YY1AP1: variants seen among roughly 807,000 people sequenced by gnomAD.
YY1AP1 encodes YY1-associated protein 1.
A neutral mutation model predicts 39.9 loss-of-function variants in YY1AP1; 43 were observed. The observed-to-expected ratio is 1.08, with a 90% CI of 0.84 to 1.39. The LOEUF (loss-of-function observed/expected upper bound fraction) is 1.39, where lower values mean the gene tolerates loss of function less well. Among genes scored for constraint, YY1AP1 ranks in the 40% most tolerant of loss-of-function variants. The probability of loss-of-function intolerance (pLI) is 0.00; values close to 1 mark genes in which losing one functional copy is unlikely to be tolerated. For synonymous variants in YY1AP1, 292 were observed against 331.3 expected (o/e 0.88, Z 1.29); for missense variants, 813 against 900.7 (o/e 0.90, Z 1.25).
upstream of YY1AP1, chr1:155,688,915 C>T: frequency 1.2e-6 from 2 of 1,613,186 alleles, no homozygotes; most frequent in Non-Finnish European, 1.7e-6. Flanking sequence ...CCGGCCGAGT[C>T]CCATGACAAC....
In YY1AP1 at chr1:155,664,008, T is replaced by TA. The variant is rs34042481; in HGVS notation, c.880-2586dup. Among the ~76,000 whole-genome samples the TA allele has an allele frequency of 7.6e-3, 938 of 123,304 alleles. 7 individuals carry two copies. The highest frequency in any genetic ancestry group is 0.022 in the African/African-American group (698 of 32,196). 80.9% of individuals were successfully genotyped at this position (123,304 alleles called of 152,430 possible). On this transcript the variant is annotated intron_variant, in intron 9 of 10. Coordinates refer to ENST00000355499, the MANE Select transcript of YY1AP1 (RefSeq NM_139119.3). ...TGGCCAACATAACGAGACCATGTCT[T>TA]AAAAAAAAAAAAAAAAAAAATTAGC...
rs1648080646 is a variant in YY1AP1 at position 155,661,351 on chromosome 1, G to T, written c.952C>A (p.Pro318Thr). 6.2e-7 allele frequency: 1 copy of T among 1,613,690 alleles called. No homozygotes were observed. Among genetic ancestry groups the T allele is most frequent in the African/African-American group, 1.3e-5 (1 of 74,872 alleles). Residue 318 changes from proline to threonine, a missense_variant, in exon 10 of 11, where the codon CCA (proline) becomes ACA (threonine). This residue lies in a region of YY1AP1 where 586 missense variants were observed against 647.4 expected (regional missense o/e 0.91). Coordinates refer to ENST00000355499, the MANE Select transcript of YY1AP1 (RefSeq NM_139119.3). ...CEEIQPHQWK[P>T]PIEREEHRLP... is the part of the protein sequence containing the mutation. Reference sequence around the variant, plus strand: ...CGGTGTTCTTCTCTCTCTATAGGTGGCTTCCACTGATGTGGCTGGATCTCT... The same window carrying T: ...CGGTGTTCTTCTCTCTCTATAGGTGTCTTCCACTGATGTGGCTGGATCTCT...
chr1:155,671,538 C>T (rs1024097783), intron 7 of YY1AP1, among the ~76,000 whole-genome samples: 1 of 152,094 alleles, frequency 6.6e-6, no homozygotes, highest in African/African-American at 2.4e-5. Flanking sequence ...ATTAAGTTCT[C>T]CCAGATTCCT....
chr1:155,673,014 A>G (rs559328841), intron 6 of YY1AP1, among the ~76,000 whole-genome samples: 6 of 152,160 alleles, frequency 3.9e-5, no homozygotes, highest in Non-Finnish European at 8.8e-5. Flanking sequence ...CTATTACTTT[A>G]ATTTAATTAA....
chr1:155,668,525 C>T (rs1396019100), intron 9 of YY1AP1, 102 bp downstream of exon 9: 2 of 1,580,592 alleles, frequency 1.3e-6, no homozygotes, highest in East Asian at 4.5e-5. Context: ...GAGAAATTAG[C>T]TTTAGATAAA....
Position 155,688,667 on chromosome 1 carries a change from G to A in YY1AP1, c.-160C>T. On this transcript the variant is annotated 5_prime_UTR_variant, in exon 1 of 11. Transcript: ENST00000355499. ...CAGGCCCTCACGCGTACCTTCAGCG[G>A]CGCGAGCCCAAGCCTTCTCCACCTC... 1 of 1,532,876 alleles carries A rather than the reference G, an allele frequency of 6.5e-7. No individual in the cohort carries two copies. The highest frequency in any genetic ancestry group is 8.7e-7 in the Non-Finnish European group (1 of 1,146,068). 95.0% of individuals were successfully genotyped at this position (1,532,876 alleles called of 1,614,324 possible). A position where few individuals can be genotyped will look rare whatever the true frequency, so the allele number is the denominator to read the frequency against.
rs1180428901 is a variant in YY1AP1, at chr1:155,660,750, C to T, written c.1160G>A (p.Gly387Asp). The change falls in exon 11 of 11, where the codon GGT becomes GAT. Residue 387 changes from glycine to aspartate, a missense_variant. Gly to Asp is a moderately conservative substitution (Grantham distance 94, BLOSUM62 -1). Coordinates refer to ENST00000355499, the MANE Select transcript of YY1AP1 (RefSeq NM_139119.3). The stretch of plus-strand genomic sequence containing the variant: ...AACTGGCTTCAGTTTCAGGACTACA[C>T]CCTTAGGCAATAGCAGTGGGTACCG... ...ETRYPLLLPK[G>D]VVLKLKPVAD... 1 of 1,614,214 alleles carries T rather than the reference C, an allele frequency of 6.2e-7. No homozygotes were observed. Among genetic ancestry groups the T allele is most frequent in the Admixed American group, 1.7e-5 (1 of 60,026 alleles).
rs376298100 is a variant in YY1AP1 at position 155,672,733 on chromosome 1, T to G, written c.412-2A>C. The G allele has an allele frequency of 8.7e-6, 14 of 1,614,036 alleles. No individual in the cohort carries two copies. Among genetic ancestry groups the G allele is most frequent in the Non-Finnish European group, 1.1e-5 (13 of 1,180,042 alleles). On this transcript the variant is annotated splice_acceptor_variant, in intron 6 of 10. Transcript: ENST00000355499. LOFTEE classifies it high-confidence loss of function. The stretch of plus-strand genomic sequence containing the variant: ...TTGAGCAAAGGTTCCCAGCTCTTTC[T>G]GGGAAAACACGACACAAGGAAGATC...
In YY1AP1 at chr1:155,659,637, C is replaced by T. The variant is rs375067522; in HGVS notation, c.*20G>A. 18 of 1,613,472 alleles carry T rather than the reference C, an allele frequency of 1.1e-5. No homozygotes were observed. Among genetic ancestry groups the T allele is most frequent in the Non-Finnish European group, 1.5e-5 (18 of 1,179,784 alleles). ...GGCCGAAGTGAAGGCTCCCAGTCTCCAGACTCTTATTCTCCTAGCTCAAAG... is the reference window on the plus strand; with the variant it reads ...GGCCGAAGTGAAGGCTCCCAGTCTCTAGACTCTTATTCTCCTAGCTCAAAG... On this transcript the variant is annotated 3_prime_UTR_variant, in exon 11 of 11. Transcript: ENST00000355499.
chr1:155,670,678 T>C (rs1649720629), intron 7 of YY1AP1: 2 of 340,164 alleles, frequency 5.9e-6, no homozygotes, highest in Admixed American at 4.7e-5. Context: ...AAGTTGACTT[T>C]TTTTTTTTTT....
At chr1:155,687,859 G>A in intron 2 of YY1AP1, 1 of 528,218 alleles carries the variant, frequency 1.9e-6, no homozygotes, top group Non-Finnish European at 3.3e-6. Context: ...GCCCCCTCCG[G>A]GAGTCTGCCT....
chr1:155,660,490 C>T lies in YY1AP1; in HGVS notation c.1420G>A (p.Gly474Ser). 6.2e-7 allele frequency: 1 copy of T among 1,614,158 alleles called. No individual in the cohort carries two copies. Among genetic ancestry groups the T allele is most frequent in the East Asian group, 2.2e-5 (1 of 44,888 alleles). Residue 474 changes from glycine to serine, a missense_variant, in exon 11 of 11, where the codon GGT (glycine) becomes AGT (serine). By Grantham distance (56) the Gly-to-Ser change is moderately conservative. Around this residue, in one of 3 missense-constraint regions of YY1AP1, gnomAD observed 586 missense variants for 647.4 expected, o/e 0.91. Transcript: ENST00000355499. ...GCTGCAGGAGACTCAAAACTCTCAC[C>T]TCCACTGACCCCCAGTGGAGGGACA... ...PGVPPLGVSG[G>S]ESFESPAALP...
chr1:155,684,786 G>T (rs1190589774), intron 2 of YY1AP1, among the ~76,000 whole-genome samples: 2 of 151,990 alleles, frequency 1.3e-5, no homozygotes, highest in South Asian at 4.2e-4. Context: ...GGGTTTCACC[G>T]TGTTGCCCAG....
At position 155,660,133 on chromosome 1, in the gene YY1AP1, G is replaced by C. The variant is rs377555990; in HGVS notation, c.1777C>G (p.Leu593Val). 6.2e-7 allele frequency: 1 copy of C among 1,614,216 alleles called. No individual in the cohort carries two copies. Among genetic ancestry groups the C allele is most frequent in the Non-Finnish European group, 8.5e-7 (1 of 1,180,034 alleles). ...GGGAAGGAAGTAGGGTTAACCAAGA[G>C]GGTGGCGATGGGAATAGTCTGGGGA... is the stretch of plus-strand genomic sequence containing the variant. The part of the protein sequence containing the change: ...QSPQTIPIAT[L>V]LVNPTSFPCP... Residue 593 changes from leucine to valine, a missense_variant, in exon 11 of 11, where the codon CTC becomes GTC. This residue lies in a region of YY1AP1 where 586 missense variants were observed against 647.4 expected (regional missense o/e 0.91). Transcript: ENST00000355499.
chr1:155,669,670 A>G (rs1436376558), intron 8 of YY1AP1, among the ~76,000 whole-genome samples: 2 of 152,214 alleles, frequency 1.3e-5, no homozygotes, highest in Middle Eastern at 3.2e-3. Context: ...ATATATAATC[A>G]TGGTTACATA....
rs1368343888 is a variant in YY1AP1, at chr1:155,660,529, G to C, written c.1381C>G (p.Gln461Glu). 6.2e-7 allele frequency: 1 copy of C among 1,614,180 alleles called. No homozygotes were observed. The highest frequency in any genetic ancestry group is 2.2e-5 in the East Asian group (1 of 44,890). ...PHPIQPATVL[Q>E]TVPGVPPLGV... is the part of the protein sequence containing the mutation. ...AGTGGAGGGACACCTGGAACTGTCT[G>C]TAAAACAGTGGCTGGCTGTATTGGG... Residue 461 changes from glutamine to glutamate, a missense_variant, in exon 11 of 11, where the codon CAG becomes GAG. Physicochemically the swap from Gln to Glu is conservative, Grantham distance 29 (BLOSUM62 2). Around this residue, in one of 3 missense-constraint regions of YY1AP1, gnomAD observed 586 missense variants for 647.4 expected, o/e 0.91. Coordinates refer to ENST00000355499, the MANE Select transcript of YY1AP1 (RefSeq NM_139119.3).
intron 9 of YY1AP1, among the ~76,000 whole-genome samples, chr1:155,666,994 T>A (rs1315427382): frequency 6.6e-6 from 1 of 151,714 alleles, no homozygotes; most frequent in Non-Finnish European, 1.5e-5. Flanking sequence ...AGACAGATTC[T>A]GTCTCAAAAA....
chr1:155,684,296 T>G (rs1173051128), intron 2 of YY1AP1, among the ~76,000 whole-genome samples: 4 of 151,992 alleles, frequency 2.6e-5, no homozygotes, highest in South Asian at 2.1e-4. Context: ...TAATCTCAAT[T>G]AAAAAAATAA....
At position 155,666,661 on chromosome 1, in the gene YY1AP1, T is replaced by C. The variant is rs929333998; in HGVS notation, c.879+1966A>G. Among the ~76,000 whole-genome samples, 10 of 151,978 alleles carry C rather than the reference T, an allele frequency of 6.6e-5. No homozygotes were observed. In the East Asian group the frequency reaches 7.7e-4, roughly 12 times the overall value. On this transcript the variant is annotated intron_variant, in intron 9 of 10. Coordinates refer to ENST00000355499, the MANE Select transcript of YY1AP1 (RefSeq NM_139119.3). ...CAGGAGAATTGCCTAAGGCCAAAAA[T>C]TGAAGACCAGCCTGGGCAATATAGG...
Sources: gnomAD v4.1 joint callset for allele counts (sites outside exome capture counted in the v4.1 genomes callset) on GRCh38, gnomAD v4.1.1 for gene constraint, gnomAD v4.1.1 regional missense constraint, MANE v1.5 for transcripts, NCBI Gene and HGNC (gene_info 2026-07-23, HGNC 2026-07-21) for gene names.